The following SPAG16 variants were observed in gnomAD, a reference collection of about 807,000 sequenced individuals.
SPAG16 encodes sperm-associated antigen 16 protein.
A neutral mutation model predicts 80.4 loss-of-function variants in SPAG16; 86 were observed. The observed-to-expected ratio is 1.07, with a 90% CI of 0.90 to 1.28. The LOEUF is 1.28. Among genes scored for constraint, SPAG16 ranks in the 50% most tolerant of loss-of-function variants. The pLI is 0.00. For synonymous variants in SPAG16, 294 were observed against 265.9 expected (o/e 1.11, Z -1.03); for missense variants, 870 against 765.3 (o/e 1.14, Z -1.61).
intron 15 of SPAG16, among the ~76,000 whole-genome samples, chr2:214,358,372 A>G (rs1358939800): frequency 6.6e-6 from 1 of 151,892 alleles, no homozygotes; most frequent in African/African-American, 2.4e-5. Flanking sequence ...CTTTAGTGAT[A>G]CCTTATCTTT....
rs553055478 is a variant in SPAG16, at chr2:213,547,617, T to C, written c.1070+57527T>C. Reference sequence around the variant, plus strand: ...TGTGATTTTAGAGTAAAGAGTATTTTTAATTTGAGAATTAAATCAAATGGC... The same window carrying C: ...TGTGATTTTAGAGTAAAGAGTATTTCTAATTTGAGAATTAAATCAAATGGC... On this transcript the variant is annotated intron_variant, in intron 10 of 15. Coordinates refer to ENST00000331683, the MANE Select transcript of SPAG16 (RefSeq NM_024532.5). 7.9e-5 allele frequency among the ~76,000 whole-genome samples: 12 copies of C among 152,142 alleles called. No individual in the cohort carries two copies. In the East Asian group the frequency reaches 2.1e-3, roughly 27 times the overall value.
chr2:213,428,977 A>G (rs756104348), intron 9 of SPAG16, among the ~76,000 whole-genome samples: 26 of 151,924 alleles, frequency 1.7e-4, no homozygotes, highest in Non-Finnish European at 1.3e-4. Flanking sequence ...CTGTAATCCC[A>G]GCTACTCAGG....
intron 10 of SPAG16, among the ~76,000 whole-genome samples, chr2:213,703,555 C>T (rs180755169): frequency 2.0e-5 from 3 of 152,286 alleles, no homozygotes; most frequent in South Asian, 2.1e-4. Context: ...CTTTCATGCT[C>T]CTGGCTAGGA....
At chr2:214,213,808 A>C (rs1236242610) in intron 15 of SPAG16, among the ~76,000 whole-genome samples, 1 of 152,214 alleles carries the variant, frequency 6.6e-6, no homozygotes, top group Non-Finnish European at 1.5e-5. Context: ...AGTCAGTAAG[A>C]GGTCCTGGGT....
At chr2:213,339,185 A>G (rs1410873563) in intron 5 of SPAG16, among the ~76,000 whole-genome samples, 2 of 152,216 alleles carry the variant, frequency 1.3e-5, no homozygotes. Flanking sequence ...GTAGCATCCC[A>G]TACGCTGATC....
In SPAG16 at chr2:214,244,810, C is replaced by T. The variant is rs116359481; in HGVS notation, c.1720+95544C>T. On this transcript the variant is annotated intron_variant, in intron 15 of 15. Transcript: ENST00000331683. Reference sequence around the variant, plus strand: ...TGATTATTATACTTTCATTAATGCCCTTTATTCAACGTATATTTTTATTCT... The same window carrying T: ...TGATTATTATACTTTCATTAATGCCTTTTATTCAACGTATATTTTTATTCT... Among the ~76,000 whole-genome samples the T allele has an allele frequency of 5.0e-3, 754 of 152,100 alleles. 5 individuals carry two copies. The highest frequency in any genetic ancestry group is 0.017 in the African/African-American group (713 of 41,520).
At chr2:214,126,844 G>A (rs985855183) in intron 14 of SPAG16, among the ~76,000 whole-genome samples, 2 of 151,652 alleles carry the variant, frequency 1.3e-5, no homozygotes, top group East Asian at 3.9e-4. Flanking sequence ...TAGATGATTT[G>A]TTTTATTTCT....
At chr2:213,605,329 C>T (rs1025882746) in intron 10 of SPAG16, among the ~76,000 whole-genome samples, 2 of 147,484 alleles carry the variant, frequency 1.4e-5, no homozygotes, top group Non-Finnish European at 3.0e-5. Flanking sequence ...TGCAGTGGTG[C>T]GATCTCAGCT....
intron 12 of SPAG16, among the ~76,000 whole-genome samples, chr2:213,949,327 C>T (rs1417083750): frequency 6.6e-6 from 1 of 151,560 alleles, no homozygotes; most frequent in Non-Finnish European, 1.5e-5. Flanking sequence ...TGCCACCACG[C>T]CCAGCTAATT....
intron 9 of SPAG16, among the ~76,000 whole-genome samples, chr2:213,392,303 C>A (rs914615458): frequency 6.6e-6 from 1 of 152,162 alleles, no homozygotes; most frequent in African/African-American, 2.4e-5. Flanking sequence ...TGTTTCTTTG[C>A]AGCTATTATT....
intron 10 of SPAG16, among the ~76,000 whole-genome samples, chr2:213,741,118 T>C (rs1297079189): frequency 6.6e-6 from 1 of 152,098 alleles, no homozygotes; most frequent in East Asian, 1.9e-4. Context: ...AAATGTTTCT[T>C]AAGGAGAAAT....
At chr2:213,582,936 A>G (rs1222427354) in intron 10 of SPAG16, among the ~76,000 whole-genome samples, 1 of 152,212 alleles carries the variant, frequency 6.6e-6, no homozygotes, top group Non-Finnish European at 1.5e-5. Context: ...AAAAGGTGAT[A>G]ATACAACCAT....
At chr2:213,972,485 C>A (rs980055951) in intron 12 of SPAG16, among the ~76,000 whole-genome samples, 3 of 152,068 alleles carry the variant, frequency 2.0e-5, no homozygotes, top group Non-Finnish European at 2.9e-5. Context: ...GTGGATGTCC[C>A]AGCTCAAGCA....
At chr2:213,849,053 AAG>A (rs2074773016) in intron 10 of SPAG16, among the ~76,000 whole-genome samples, 1 of 152,142 alleles carries the variant, frequency 6.6e-6, no homozygotes, top group African/African-American at 2.4e-5. Context: ...TGAAGAAAAA[AAG>A]ATGTATTTTT....
At chr2:213,800,482 T>G (rs2071327501) in intron 10 of SPAG16, among the ~76,000 whole-genome samples, 2 of 152,038 alleles carry the variant, frequency 1.3e-5, no homozygotes. Flanking sequence ...TCCTCCCACC[T>G]TAGCCTCCTT....
At chr2:213,329,999 G>T (rs979355750) in intron 5 of SPAG16, among the ~76,000 whole-genome samples, 1 of 152,224 alleles carries the variant, frequency 6.6e-6, no homozygotes, top group African/African-American at 2.4e-5. Flanking sequence ...GCCTGCAGGT[G>T]CATGGAAGTC....
At chr2:214,310,068 G>GTGTGATCTT (rs1436154037) in intron 15 of SPAG16, among the ~76,000 whole-genome samples, 1 of 151,870 alleles carries the variant, frequency 6.6e-6, no homozygotes, top group East Asian at 1.9e-4. Flanking sequence ...CATAGAAGTA[G>GTGTGATCTT]TGTGATCTTT....
chr2:214,116,317 A>G (rs2053931628), intron 14 of SPAG16, among the ~76,000 whole-genome samples: 1 of 152,196 alleles, frequency 6.6e-6, no homozygotes, highest in South Asian at 2.1e-4. Context: ...TTGTACAAGG[A>G]TACAGAAGGA....
chr2:213,999,640 C>G (rs907365950), intron 12 of SPAG16, among the ~76,000 whole-genome samples: 4 of 152,186 alleles, frequency 2.6e-5, no homozygotes, highest in Non-Finnish European at 4.4e-5. Context: ...CCACTGGAAG[C>G]TTGCACTGTT....
Sources: gnomAD v4.1 joint callset for allele counts (sites outside exome capture counted in the v4.1 genomes callset) on GRCh38, gnomAD v4.1.1 for gene constraint, MANE v1.5 for transcripts, NCBI Gene and HGNC (gene_info 2026-07-23, HGNC 2026-07-21) for gene names.